HSF2BP: variants seen among roughly 807,000 people sequenced by gnomAD.
HSF2BP encodes heat shock transcription factor 2 binding protein.
HSF2BP carries 35 observed loss-of-function variants against 35.0 expected under a neutral mutation model. That is an observed-to-expected ratio of 1.00 (90% confidence interval 0.76 to 1.32). The LOEUF is 1.32. HSF2BP is among the 40% of genes most tolerant of loss of function. The pLI is 0.00. For synonymous variants in HSF2BP, 114 were observed against 117.4 expected, an observed-to-expected ratio of 0.97 and a Z score of 0.18; for missense variants, 326 against 321.7, an observed-to-expected ratio of 1.01 and a Z score of -0.10.
intron 1 of HSF2BP, 40 bp from the exon 2 acceptor site, chr21:43,658,360 C>G (rs1420835267): frequency 1.9e-6 from 1 of 515,474 alleles, no homozygotes. Context: ...ATGTAAGTGT[C>G]AAGTAAAATA....
the HSF2BP span, among the ~76,000 whole-genome samples, chr21:43,467,801 T>C: frequency 0.99 from 124,807 of 125,578 alleles, 62,021 homozygotes; most frequent in Middle Eastern, 1. Context: ...CACCACACAT[T>C]ACACAGCACA....
intron 7 of HSF2BP, among the ~76,000 whole-genome samples, chr21:43,604,803 CCA>C (rs1357872663): frequency 4.6e-5 from 6 of 130,104 alleles, no homozygotes; most frequent in Non-Finnish European, 8.2e-5. Context: ...ACACTACACG[CCA>C]CACACACCAC....
At chr21:43,605,938 G>A (rs895727401) in intron 7 of HSF2BP, among the ~76,000 whole-genome samples, 3 of 152,004 alleles carry the variant, frequency 2.0e-5, no homozygotes, top group African/African-American at 7.3e-5. Context: ...CAGGCCATAC[G>A]TGCCTCTGAC....
chr21:43,640,889 C>A (rs2082627989), intron 4 of HSF2BP, among the ~76,000 whole-genome samples: 1 of 151,814 alleles, frequency 6.6e-6, no homozygotes, highest in Admixed American at 6.6e-5. Context: ...AAATATACCT[C>A]AATAATGCTG....
chr21:43,659,401 C>G lies in HSF2BP; in HGVS notation c.-240G>C, dbSNP rs539354032. ...CCTGGCTAACCTCGCCGTCTACAGCCTGAATTTTGGCAACCGAAAGGCAGC... is the reference window on the plus strand; with the variant it reads ...CCTGGCTAACCTCGCCGTCTACAGCGTGAATTTTGGCAACCGAAAGGCAGC... On this transcript the variant is annotated 5_prime_UTR_variant, in exon 1 of 9. Coordinates refer to ENST00000291560, the MANE Select transcript of HSF2BP (RefSeq NM_007031.2). This position sits in a 1 kb window ranked among gnomAD's most constrained non-coding sequence, Gnocchi z 4.2. 4.9e-6 allele frequency: 1 copy of G among 204,998 alleles called. No individual in the cohort carries two copies. The highest frequency in any genetic ancestry group is 1.9e-4 in the South Asian group (1 of 5,352). 12.7% of individuals were successfully genotyped at this position (204,998 alleles called of 1,614,324 possible). A position where few individuals can be genotyped will look rare whatever the true frequency, so the allele number is the denominator to read the frequency against.
chr21:43,636,993 C>T (rs1210520911), intron 4 of HSF2BP, among the ~76,000 whole-genome samples: 3 of 151,072 alleles, frequency 2.0e-5, no homozygotes, highest in Non-Finnish European at 3.0e-5. Context: ...TCATAACAGT[C>T]AAAAACTGGA....
chr21:43,617,603 AT>A (rs956898256), intron 6 of HSF2BP, among the ~76,000 whole-genome samples: 3 of 151,764 alleles, frequency 2.0e-5, no homozygotes, highest in Admixed American at 2.0e-4. Context: ...TTCTAGGTTC[AT>A]TTTTCATTAA....
intron 8 of HSF2BP, among the ~76,000 whole-genome samples, chr21:43,573,436 TA>T (rs771388209): frequency 1.3e-5 from 2 of 152,210 alleles, no homozygotes; most frequent in East Asian, 1.9e-4. Context: ...AGAATGTACA[TA>T]ATTAGAAATC....
chr21:43,582,168 T>A (rs1429661906), intron 8 of HSF2BP, among the ~76,000 whole-genome samples: 7 of 51,434 alleles, frequency 1.4e-4, no homozygotes, highest in South Asian at 8.1e-4. Flanking sequence ...GGCCCTGCTG[T>A]GGGGGATGAG....
At chr21:43,593,617 T>C (rs2081952752) in intron 7 of HSF2BP, among the ~76,000 whole-genome samples, 4 of 151,994 alleles carry the variant, frequency 2.6e-5, no homozygotes, top group Admixed American at 2.6e-4. Context: ...ATCAAGAAGC[T>C]AGGATTACTA....
rs115148312 is a variant in HSF2BP, at chr21:43,631,031, T to C, written c.442-577A>G. On this transcript the variant is annotated intron_variant, in intron 5 of 8. Coordinates refer to ENST00000291560, the MANE Select transcript of HSF2BP (RefSeq NM_007031.2). Reference sequence around the variant, plus strand: ...GAAATATTTGCATTTACAAATGATATAAGAAAACTTCATGGATGATCAAAT... The same window carrying C: ...GAAATATTTGCATTTACAAATGATACAAGAAAACTTCATGGATGATCAAAT... Among the ~76,000 whole-genome samples, 627 of 152,296 alleles carry C rather than the reference T, an allele frequency of 4.1e-3. 8 individuals are homozygous for C. The highest frequency in any genetic ancestry group is 0.014 in the African/African-American group (593 of 41,572).
intron 1 of HSF2BP, among the ~76,000 whole-genome samples, 171 bp from the exon 2 acceptor site, chr21:43,658,491 C>T (rs538885510): frequency 1.3e-5 from 2 of 152,214 alleles, no homozygotes; most frequent in Non-Finnish European, 2.9e-5. Context: ...GATTCAGGCG[C>T]TTTTACGTTA....
At chr21:43,657,851 G>C in intron 2 of HSF2BP, 1 of 985,458 alleles carries the variant, frequency 1.0e-6, no homozygotes, top group Non-Finnish European at 1.2e-6. Context: ...TCACAGACCG[G>C]GTCCCCGCGT....
At chr21:43,646,802 G>C (rs968621377) in intron 3 of HSF2BP, among the ~76,000 whole-genome samples, 1 of 152,212 alleles carries the variant, frequency 6.6e-6, no homozygotes, top group Non-Finnish European at 1.5e-5. Context: ...CTCCTGGGGA[G>C]GTGACAAGTG....
chr21:43,623,512 G>C (rs770039749), intron 6 of HSF2BP, among the ~76,000 whole-genome samples: 2 of 152,040 alleles, frequency 1.3e-5, no homozygotes, highest in South Asian at 4.1e-4. Context: ...ATGAAACCTC[G>C]AGAGCCTCAA....
chr21:43,584,840 C>T (rs999786509), intron 8 of HSF2BP, among the ~76,000 whole-genome samples: 4 of 152,054 alleles, frequency 2.6e-5, no homozygotes, highest in South Asian at 2.1e-4. Context: ...GAGGTGGGAC[C>T]GGGGCTTTGT....
chr21:43,614,014 A>T, intron 6 of HSF2BP, 67 bp from the exon 7 acceptor site: 1 of 1,148,316 alleles, frequency 8.7e-7, no homozygotes, highest in Non-Finnish European at 1.3e-6. Context: ...TTTTGTGCAG[A>T]ACAGAGTATT....
intron 6 of HSF2BP, among the ~76,000 whole-genome samples, chr21:43,619,173 C>T (rs559478821): frequency 1.3e-5 from 2 of 152,088 alleles, no homozygotes; most frequent in South Asian, 4.2e-4. Flanking sequence ...TGCTGGGAAA[C>T]CAAAAAATTC....
At position 43,638,188 on chromosome 21, in the gene HSF2BP, G is replaced by A. The variant is rs566376691; in HGVS notation, c.292-4767C>T. 7.2e-5 allele frequency among the ~76,000 whole-genome samples: 11 copies of A among 152,148 alleles called. No individual in the cohort carries two copies. The East Asian group carries it at 1.4e-3, about 19-fold the overall frequency. ...CAGAAAGACTACAGGGGCCGGGTGC[G>A]GTGGCTCACACCTGTAATCCCAGCA... On this transcript the variant is annotated intron_variant, in intron 4 of 8. Transcript: ENST00000291560.
Sources: gnomAD v4.1 joint callset for allele counts (sites outside exome capture counted in the v4.1 genomes callset) on GRCh38, gnomAD v4.1.1 for gene constraint, Gnocchi (gnomAD v3.1) non-coding constraint, MANE v1.5 for transcripts, NCBI Gene and HGNC (gene_info 2026-07-23, HGNC 2026-07-21) for gene names.